The following KLHL29 variants were observed in gnomAD, a reference collection of about 807,000 sequenced individuals.
KLHL29 encodes kelch like family member 29.
KLHL29 carries 21 observed loss-of-function variants against 80.4 expected under a neutral mutation model. That is an observed-to-expected ratio of 0.26 (90% CI 0.19 to 0.38). The LOEUF (loss-of-function observed/expected upper bound fraction) is 0.38, where lower values mean the gene tolerates loss of function less well. Ranked by LOEUF, KLHL29 falls within the 10% of genes least tolerant of loss-of-function variation. The pLI, the probability that KLHL29 is intolerant of heterozygous loss-of-function variation, is 1.00. For synonymous variants in KLHL29, 511 were observed against 526.8 expected, an observed-to-expected ratio of 0.97 and a Z score of 0.41; for missense variants, 867 against 1,223.9, an observed-to-expected ratio of 0.71 and a Z score of 4.35.
At chr2:23,693,747 G>A (rs532539324) in intron 8 of KLHL29, among the ~76,000 whole-genome samples, 15 of 152,330 alleles carry the variant, frequency 9.8e-5, no homozygotes, top group Non-Finnish European at 1.9e-4. Context: ...GCCAAGAGCC[G>A]CAGCACCTGC....
chr2:23,648,522 A>G (rs757615090), intron 5 of KLHL29, among the ~76,000 whole-genome samples: 1 of 151,678 alleles, frequency 6.6e-6, no homozygotes, highest in Non-Finnish European at 1.5e-5. Context: ...ACGTTTGACA[A>G]TCCTCCACTG....
chr2:23,578,526 T>C (rs1002448743), intron 3 of KLHL29, among the ~76,000 whole-genome samples: 3 of 152,188 alleles, frequency 2.0e-5, no homozygotes, highest in African/African-American at 7.2e-5. Flanking sequence ...GTAAGCATGA[T>C]CTGTTATTAT....
At chr2:23,546,508 A>G (rs1227647221) in intron 2 of KLHL29, among the ~76,000 whole-genome samples, 1 of 152,076 alleles carries the variant, frequency 6.6e-6, no homozygotes, top group African/African-American at 2.4e-5. Flanking sequence ...CATGAAAGGT[A>G]TCCGGCACCC....
intron 5 of KLHL29, among the ~76,000 whole-genome samples, chr2:23,645,991 A>T (rs1284657847): frequency 2.2e-4 from 33 of 152,154 alleles, no homozygotes; most frequent in Admixed American, 2.2e-3. Flanking sequence ...TAAGAAACTT[A>T]CAAGACAAAT....
intron 3 of KLHL29, among the ~76,000 whole-genome samples, chr2:23,637,049 G>A (rs1669631255): frequency 1.3e-5 from 2 of 152,116 alleles, no homozygotes; most frequent in African/African-American, 4.8e-5. Context: ...CCCACACGGT[G>A]GAGAGGGGCT....
chr2:23,565,945 C>A (rs72849620), intron 3 of KLHL29, among the ~76,000 whole-genome samples: 14 of 152,244 alleles, frequency 9.2e-5, no homozygotes, highest in African/African-American at 3.1e-4. Flanking sequence ...CTGGGGCATC[C>A]CATGCCATCA....
intron 5 of KLHL29, among the ~76,000 whole-genome samples, chr2:23,649,398 G>T (rs1399215732): frequency 6.6e-6 from 1 of 152,244 alleles, no homozygotes; most frequent in African/African-American, 2.4e-5. Flanking sequence ...CATGGGGCTT[G>T]TTCATCAGTA....
At position 23,570,398 on chromosome 2, in the gene KLHL29, T is replaced by G. The variant is rs143225703; in HGVS notation, c.285+7917T>G. ...GTTGTCTGCACTTCTGTCCCTTGAC[T>G]TAAATTGTTGGTGGCTGTTCGTTGC... On this transcript the variant is annotated intron_variant, in intron 3 of 13. Transcript: ENST00000486442. Among the ~76,000 whole-genome samples the G allele has an allele frequency of 7.9e-3, 1,202 of 152,318 alleles. 17 individuals carry two copies. The highest frequency in any genetic ancestry group is 0.027 in the African/African-American group (1,111 of 41,574).
In KLHL29 at chr2:23,696,027, C is replaced by T; in HGVS notation, c.1818C>T (p.Thr606=). ...GMTQRSLVAV[T]CWNPQNNKWY... ...CCCAGCGCTCGCTGGTGGCCGTCAC[C>T]TGCTGGAACCCGCAGAACAACAAGT... is the stretch of plus-strand genomic sequence containing the variant. The change falls in exon 10 of 14, where the codon ACC becomes ACT. Residue 606 remains threonine (T), a synonymous_variant. Transcript: ENST00000486442. The surrounding 1 kb of genome is among the most constrained non-coding windows in gnomAD (Gnocchi z 5.5). 6.4e-7 allele frequency: 1 copy of T among 1,551,762 alleles called. No homozygotes were observed. The highest frequency in any genetic ancestry group is 8.7e-7 in the Non-Finnish European group (1 of 1,147,002).
At chr2:23,606,206 G>GGC (rs1668724518) in intron 3 of KLHL29, among the ~76,000 whole-genome samples, 1 of 150,934 alleles carries the variant, frequency 6.6e-6, no homozygotes, top group Non-Finnish European at 1.5e-5. Flanking sequence ...GAGAGGGAGA[G>GGC]AGAGAGAGAG....
At position 23,681,855 on chromosome 2, in the gene KLHL29, T is replaced by TA. The variant is rs1366189171; in HGVS notation, c.941-2543dup. On this transcript the variant is annotated intron_variant, in intron 5 of 13. Coordinates refer to ENST00000486442, the MANE Select transcript of KLHL29 (RefSeq NM_052920.2). This position sits in a 1 kb window ranked among gnomAD's most constrained non-coding sequence, Gnocchi z 4.2. ...TTCGGCTGGTGACTCTTTCTGGAGA[T>TA]ACGTGTGAGCATGGCAGCTGAGCCT... 1.3e-5 allele frequency among the ~76,000 whole-genome samples: 2 copies of TA among 152,298 alleles called. No individual in the cohort carries two copies. Among genetic ancestry groups the TA allele is most frequent in the Non-Finnish European group, 1.5e-5 (1 of 68,006 alleles).
chr2:23,659,325 C>G (rs1326494932), intron 5 of KLHL29, among the ~76,000 whole-genome samples: 6 of 152,186 alleles, frequency 3.9e-5, no homozygotes, highest in African/African-American at 1.4e-4. Context: ...TTAATTCTTA[C>G]AACTCTGAAG....
At chr2:23,559,228 C>G (rs1667378954) in intron 2 of KLHL29, among the ~76,000 whole-genome samples, 1 of 152,162 alleles carries the variant, frequency 6.6e-6, no homozygotes, top group African/African-American at 2.4e-5. Context: ...GGGCCATGGT[C>G]TCTGGGGTAG....
intron 3 of KLHL29, among the ~76,000 whole-genome samples, chr2:23,584,093 T>C (rs1162095879): frequency 6.6e-6 from 1 of 152,178 alleles, no homozygotes; most frequent in Non-Finnish European, 1.5e-5. Flanking sequence ...TGGAGGAAAC[T>C]ATACCCAAAT....
chr2:23,422,174 GTGTATCTA>G (rs1662834585), intron 1 of KLHL29, among the ~76,000 whole-genome samples: 1 of 150,734 alleles, frequency 6.6e-6, no homozygotes, highest in African/African-American at 2.4e-5. Context: ...TTGTGTATCT[GTGTATCTA>G]TGTGTCTCTG....
At chr2:23,539,884 G>A (rs565578082) in intron 2 of KLHL29, among the ~76,000 whole-genome samples, 7 of 152,250 alleles carry the variant, frequency 4.6e-5, no homozygotes, top group Admixed American at 3.3e-4. Flanking sequence ...AAACTCCAGT[G>A]ACTCCAAAAG....
At chr2:23,659,764 C>T (rs1670352627) in intron 5 of KLHL29, among the ~76,000 whole-genome samples, 1 of 152,076 alleles carries the variant, frequency 6.6e-6, no homozygotes, top group African/African-American at 2.4e-5. Flanking sequence ...CCCAGGGCCT[C>T]CTGCAGCCAG....
At chr2:23,571,293 G>C (rs1480685810) in intron 3 of KLHL29, among the ~76,000 whole-genome samples, 1 of 152,248 alleles carries the variant, frequency 6.6e-6, no homozygotes, top group African/African-American at 2.4e-5. Context: ...GAGCCTGCCT[G>C]GTGAGTTGAT....
At chr2:23,531,683 C>T (rs954923592) in intron 2 of KLHL29, among the ~76,000 whole-genome samples, 6 of 152,210 alleles carry the variant, frequency 3.9e-5, no homozygotes, top group South Asian at 4.1e-4. Flanking sequence ...GTACCCAAGA[C>T]GCTCTTCACA....
Sources: gnomAD v4.1 joint callset for allele counts (sites outside exome capture counted in the v4.1 genomes callset) on GRCh38, gnomAD v4.1.1 for gene constraint, Gnocchi (gnomAD v3.1) non-coding constraint, MANE v1.5 for transcripts, NCBI Gene and HGNC (gene_info 2026-07-23, HGNC 2026-07-21) for gene names.